The following ANKDD1A variants were observed in gnomAD, a reference collection of about 807,000 sequenced individuals.
The protein encoded by ANKDD1A is ankyrin repeat and death domain-containing protein 1A.
ANKDD1A carries 59 observed loss-of-function variants against 63.5 expected under a neutral mutation model. That is an observed-to-expected ratio of 0.93 (90% CI 0.75 to 1.15). ANKDD1A has a LOEUF of 1.15. Among genes scored for constraint, ANKDD1A ranks in the 50% most tolerant of loss-of-function variants. ANKDD1A has a pLI of 0.00. For synonymous variants in ANKDD1A, 266 were observed against 263.9 expected (o/e 1.01, Z -0.08); for missense variants, 632 against 656.4 (o/e 0.96, Z 0.41).
chr15:64,951,691 C>CTTTTCTTTT (rs1218099535), intron 14 of ANKDD1A, among the ~76,000 whole-genome samples: 2 of 117,518 alleles, frequency 1.7e-5, no homozygotes, highest in Non-Finnish European at 3.4e-5. Flanking sequence ...TTTCTTCTTC[C>CTTTTCTTTT]TCTTCTTCTT....
chr15:64,953,054 T>C (rs1261683897), intron 14 of ANKDD1A, among the ~76,000 whole-genome samples: 71 of 126,898 alleles, frequency 5.6e-4, no homozygotes, highest in African/African-American at 1.8e-3. Flanking sequence ...TTTCCTCTCT[T>C]TTTTCTTCCT....
intron 13 of ANKDD1A, 101 bp from the exon 14 acceptor site, chr15:64,949,740 G>A: frequency 6.6e-7 from 1 of 1,516,748 alleles, no homozygotes; most frequent in Non-Finnish European, 8.9e-7. Flanking sequence ...TCCCACCTGG[G>A]CATGTTCAGG....
chr15:64,915,254 A>C (rs543633443), intron 1 of ANKDD1A, among the ~76,000 whole-genome samples: 1 of 152,134 alleles, frequency 6.6e-6, no homozygotes, highest in Non-Finnish European at 1.5e-5. Flanking sequence ...GCAGTGAGAC[A>C]AGATCACGCC....
intron 9 of ANKDD1A, among the ~76,000 whole-genome samples, chr15:64,941,526 TTG>T (rs1439178582): frequency 1.3e-5 from 2 of 152,194 alleles, no homozygotes; most frequent in African/African-American, 4.8e-5. Context: ...AAATAATTTT[TTG>T]TTCAAATCTT....
At position 64,930,935 on chromosome 15, in the gene ANKDD1A, G is replaced by C; in HGVS notation, c.669+15G>C. On this transcript the variant is annotated intron_variant, in intron 7 of 14. Coordinates refer to ENST00000319580, the MANE Select transcript of ANKDD1A (RefSeq NM_182703.6). ...AGCAGAATGCGGTGAGTCACCGCCT[G>C]GGGATGGCGAGATGCATGACCCTTG... 6.2e-7 allele frequency: 1 copy of C among 1,606,660 alleles called. No homozygotes were observed. Among genetic ancestry groups the C allele is most frequent in the Non-Finnish European group, 8.5e-7 (1 of 1,178,944 alleles).
chr15:64,955,036 CTTCTTTCT>C (rs1471818411), intron 14 of ANKDD1A, among the ~76,000 whole-genome samples: 11 of 60,846 alleles, frequency 1.8e-4, no homozygotes, highest in South Asian at 8.3e-4. Context: ...TCCTCTTCTT[CTTCTTTCT>C]TTCTTTCTTC....
At chr15:64,946,773 T>G (rs533143628) in intron 12 of ANKDD1A, among the ~76,000 whole-genome samples, 4 of 152,300 alleles carry the variant, frequency 2.6e-5, no homozygotes, top group African/African-American at 9.6e-5. Context: ...CAGAGACTGT[T>G]GACCATGACA....
At chr15:64,951,737 CCTTCTTCCT>C (rs1336250557) in intron 14 of ANKDD1A, among the ~76,000 whole-genome samples, 1 of 53,186 alleles carries the variant, frequency 1.9e-5, no homozygotes, top group African/African-American at 4.7e-5. Flanking sequence ...CTTCTTTCCT[CCTTCTTCCT>C]CTTCTTCCTT....
rs138932840 is a variant in ANKDD1A at position 64,917,759 on chromosome 15, A to G, written c.267+245A>G. 1.5e-4 allele frequency among the ~76,000 whole-genome samples: 23 copies of G among 152,310 alleles called. No homozygotes were observed. The East Asian group carries it at 3.3e-3, about 22-fold the overall frequency. On this transcript the variant is annotated intron_variant, in intron 3 of 14. Transcript: ENST00000319580. The stretch of plus-strand genomic sequence containing the variant: ...GAGAGCCTTTTCAGTCCCTCATGAT[A>G]CCATGCGAACAGAGAGAGGGCTGTA...
rs1334895172 is a variant in ANKDD1A at position 64,949,852 on chromosome 15, T to TATC, written c.1365_1367dup (p.Tyr455_Gln456insHis). The TATC allele has an allele frequency of 1.2e-6, 2 of 1,602,174 alleles. No homozygotes were observed. Among genetic ancestry groups the TATC allele is most frequent in the African/African-American group, 2.7e-5 (2 of 75,052 alleles). On this transcript the variant is annotated inframe_insertion, in exon 14 of 15. Coordinates refer to ENST00000319580, the MANE Select transcript of ANKDD1A (RefSeq NM_182703.6). ...CTCACTGTTCTCAGGCACCAGGAGC[T>TATC]ATCAGGAGCACGGCCACCGAATGCT...
chr15:64,942,846 T>A (rs1280667790), intron 10 of ANKDD1A, among the ~76,000 whole-genome samples: 1 of 152,208 alleles, frequency 6.6e-6, no homozygotes, highest in Non-Finnish European at 1.5e-5. Context: ...TCATTGCTTT[T>A]TTTCCTTAGG....
At chr15:64,918,368 G>A (rs1232424636) in intron 3 of ANKDD1A, among the ~76,000 whole-genome samples, 1 of 152,164 alleles carries the variant, frequency 6.6e-6, no homozygotes, top group Non-Finnish European at 1.5e-5. Flanking sequence ...CTCACTATGT[G>A]GGGGCTTGAT....
chr15:64,935,741 G>T (rs753759909), intron 9 of ANKDD1A, among the ~76,000 whole-genome samples: 6 of 151,810 alleles, frequency 4.0e-5, no homozygotes, highest in Non-Finnish European at 7.4e-5. Flanking sequence ...CTACTTGGGA[G>T]GCTGAAGCAC....
intron 14 of ANKDD1A, among the ~76,000 whole-genome samples, chr15:64,951,883 CCTTCTTTCT>C (rs2085290877): frequency 1.2e-5 from 1 of 82,126 alleles, no homozygotes; most frequent in Non-Finnish European, 3.0e-5. Context: ...TTTCTTCTTT[CCTTCTTTCT>C]TTTTCTTTTC....
intron 14 of ANKDD1A, among the ~76,000 whole-genome samples, chr15:64,954,870 TCTTCTTCCTTCTCCTCCTC>T (rs1489461974): frequency 7.7e-5 from 2 of 25,910 alleles, no homozygotes; most frequent in African/African-American, 9.9e-5. Context: ...CTTCTCCTTT[TCTTCTTCCTTCTCCTCCTC>T]CTTCTTCCTT....
intron 4 of ANKDD1A, among the ~76,000 whole-genome samples, chr15:64,925,227 CAAAAAAAAAAAAAAA>C (rs769786433): frequency 2.3e-5 from 1 of 42,598 alleles, no homozygotes; most frequent in Admixed American, 2.4e-4. Context: ...GACTCCGACT[CAAAAAAAAAAAAAAA>C]AAAAAAAAGA....
At chr15:64,912,070 T>G (rs2084935397) in intron 1 of ANKDD1A, 106 bp downstream of exon 1, 1 of 1,108,232 alleles carries the variant, frequency 9.0e-7, no homozygotes, top group Admixed American at 4.3e-5. Flanking sequence ...AACGGCCACC[T>G]CCGTGTGGGG....
At position 64,947,336 on chromosome 15, in the gene ANKDD1A, C is replaced by T. The variant is rs16948420; in HGVS notation, c.1162-68C>T. ...GGTGGTAGGAGGGTCATAGGGGCCT[C>T]GGCTCGGCACTGCCCCTGTCTGGGA... On this transcript the variant is annotated intron_variant, in intron 12 of 14. Coordinates refer to ENST00000319580, the MANE Select transcript of ANKDD1A (RefSeq NM_182703.6). 3,359 of 1,525,882 alleles carry T rather than the reference C, an allele frequency of 2.2e-3. 80 individuals carry two copies. The African/African-American group carries it at 0.04, about 18-fold the overall frequency. The allele number at this position is 1,525,882 out of a possible 1,614,324, so 94.5% of individuals were successfully genotyped here. A position where few individuals can be genotyped will look rare whatever the true frequency, so the allele number is the denominator to read the frequency against.
At chr15:64,916,393 C>T (rs2084968842) in intron 2 of ANKDD1A, among the ~76,000 whole-genome samples, 1 of 150,952 alleles carries the variant, frequency 6.6e-6, no homozygotes, top group African/African-American at 2.4e-5. Flanking sequence ...GGAGCAATCA[C>T]AGCTCACTGT....
Sources: allele counts gnomAD v4.1 joint callset (sites outside exome capture counted in the v4.1 genomes callset), GRCh38; gene constraint gnomAD v4.1.1; transcripts MANE v1.5; gene names NCBI Gene and HGNC (gene_info 2026-07-23, HGNC 2026-07-21).